Variants in NEGR1 observed in about 807,000 individuals in gnomAD.
NEGR1 encodes the protein IgLON family member 4.
A neutral mutation model predicts 40.9 loss-of-function variants in NEGR1; 10 were observed. The observed-to-expected ratio is 0.24, with a 90% confidence interval of 0.15 to 0.42. NEGR1 has a LOEUF of 0.42. Ranked by LOEUF, NEGR1 falls within the 10% of genes least tolerant of loss-of-function variation. The pLI, the probability that NEGR1 is intolerant of heterozygous loss-of-function variation, is 1.00. For missense variants in NEGR1, 352 were observed against 438.9 expected (o/e 0.80, Z 1.77); for synonymous variants, 185 against 166.8 (o/e 1.11, Z -0.84).
intron 6 of NEGR1, among the ~76,000 whole-genome samples, chr1:71,532,289 A>C (rs1438805857): frequency 2.6e-5 from 4 of 151,584 alleles, no homozygotes; most frequent in Non-Finnish European, 5.9e-5. Flanking sequence ...ACTTAACAGC[A>C]ATGGCCTATC....
At chr1:72,204,907 A>G (rs1306040242) in intron 1 of NEGR1, among the ~76,000 whole-genome samples, 1 of 152,132 alleles carries the variant, frequency 6.6e-6, no homozygotes, top group Admixed American at 6.6e-5. Context: ...GTCATGGCAA[A>G]TCTAAATCAC....
intron 2 of NEGR1, among the ~76,000 whole-genome samples, chr1:71,837,356 A>C (rs1204507813): frequency 6.6e-6 from 1 of 152,132 alleles, no homozygotes; most frequent in Non-Finnish European, 1.5e-5. Context: ...TCAAGTTGGC[A>C]GCTGTTAAGA....
At chr1:72,240,600 A>T (rs1206696500) in intron 1 of NEGR1, among the ~76,000 whole-genome samples, 1 of 151,876 alleles carries the variant, frequency 6.6e-6, no homozygotes, top group Non-Finnish European at 1.5e-5. Flanking sequence ...CAAGAGGTGG[A>T]AGTGGCCCAA....
intron 1 of NEGR1, among the ~76,000 whole-genome samples, chr1:72,280,940 G>C (rs1024315869): frequency 2.0e-5 from 3 of 152,162 alleles, no homozygotes; most frequent in African/African-American, 7.2e-5. Flanking sequence ...GGGGTGGCAG[G>C]GGGAGAAGGG....
intron 1 of NEGR1, among the ~76,000 whole-genome samples, chr1:71,954,313 T>A (rs1488562420): frequency 6.6e-5 from 10 of 151,944 alleles, no homozygotes; most frequent in Admixed American, 6.6e-4. Flanking sequence ...AGGTAAATGA[T>A]AGATGATTTT....
intron 6 of NEGR1, among the ~76,000 whole-genome samples, chr1:71,497,662 G>GA (rs577529871): frequency 6.6e-6 from 1 of 151,634 alleles, no homozygotes; most frequent in Non-Finnish European, 1.5e-5. Flanking sequence ...AAAGAATGAT[G>GA]AAAAAATGCA....
chr1:72,169,559 G>A (rs191341530), intron 1 of NEGR1, among the ~76,000 whole-genome samples: 8 of 152,162 alleles, frequency 5.3e-5, no homozygotes, highest in Admixed American at 5.2e-4. Context: ...TTATGGTTTT[G>A]AATATTATTT....
At chr1:71,839,134 T>A (rs926915196) in intron 2 of NEGR1, among the ~76,000 whole-genome samples, 14 of 139,244 alleles carry the variant, frequency 1.0e-4, no homozygotes, top group African/African-American at 3.5e-4. Context: ...AGGGGTCCCA[T>A]GAAGAATCCT....
At chr1:71,993,427 A>G (rs1219539696) in intron 1 of NEGR1, among the ~76,000 whole-genome samples, 1 of 152,212 alleles carries the variant, frequency 6.6e-6, no homozygotes, top group Non-Finnish European at 1.5e-5. Context: ...CTCTCTATGC[A>G]TAACTAAACT....
intron 1 of NEGR1, among the ~76,000 whole-genome samples, chr1:72,182,268 C>A (rs1411317919): frequency 1.3e-5 from 2 of 152,050 alleles, no homozygotes; most frequent in Non-Finnish European, 2.9e-5. Context: ...CCGAGGCAGG[C>A]GGGTCACTTG....
intron 4 of NEGR1, among the ~76,000 whole-genome samples, chr1:71,651,877 T>C (rs2101582791): frequency 6.6e-6 from 1 of 152,066 alleles, no homozygotes; most frequent in South Asian, 2.1e-4. Flanking sequence ...GTATTACTTT[T>C]GTTTCAACTT....
chr1:72,063,807 A>C (rs1266877964), intron 1 of NEGR1, among the ~76,000 whole-genome samples: 2 of 151,954 alleles, frequency 1.3e-5, no homozygotes, highest in Non-Finnish European at 1.5e-5. Context: ...TGCTGTAACA[A>C]GCTACAAAGC....
At chr1:71,992,308 C>T (rs997143190) in intron 1 of NEGR1, among the ~76,000 whole-genome samples, 2 of 151,922 alleles carry the variant, frequency 1.3e-5, no homozygotes, top group African/African-American at 4.8e-5. Flanking sequence ...AATTTATATA[C>T]ACATTGCTAC....
chr1:71,695,891 T>A (rs1287141526), intron 4 of NEGR1, among the ~76,000 whole-genome samples: 1 of 151,754 alleles, frequency 6.6e-6, no homozygotes, highest in African/African-American at 2.4e-5. Context: ...CATTATATAT[T>A]TTTTTTAAAA....
intron 2 of NEGR1, among the ~76,000 whole-genome samples, chr1:71,830,342 C>CTATTT (rs1215208182): frequency 6.6e-6 from 1 of 151,772 alleles, no homozygotes; most frequent in Non-Finnish European, 1.5e-5. Flanking sequence ...TAAATATTTT[C>CTATTT]AGCTTTGTGA....
At chr1:71,999,635 A>C (rs1161685069) in intron 1 of NEGR1, among the ~76,000 whole-genome samples, 38 of 22,500 alleles carry the variant, frequency 1.7e-3, no homozygotes, top group African/African-American at 5.0e-3. Context: ...CAAAGCAAAT[A>C]TATATATATA....
chr1:71,615,719 A>C (rs1004632343), intron 4 of NEGR1, among the ~76,000 whole-genome samples: 8 of 152,228 alleles, frequency 5.3e-5, no homozygotes, highest in Admixed American at 1.3e-4. Context: ...ATTTTATTCT[A>C]AGCTGATAAG....
intron 4 of NEGR1, among the ~76,000 whole-genome samples, chr1:71,664,043 G>A (rs1349998191): frequency 6.6e-6 from 1 of 152,166 alleles, no homozygotes; most frequent in Non-Finnish European, 1.5e-5. Flanking sequence ...TTAGTTCAAT[G>A]ATGGAAACAT....
rs80150720 is a variant in NEGR1 at position 71,644,070 on chromosome 1, C to T, written c.668-32924G>A. On this transcript the variant is annotated intron_variant, in intron 4 of 6. Coordinates refer to ENST00000357731, the MANE Select transcript of NEGR1 (RefSeq NM_173808.3). Reference sequence around the variant, plus strand: ...CTGGTAATGGACAGGTCCTTGCTGCCCAAAAGAGTTCCACTTTTCTTTGGA... The same window carrying T: ...CTGGTAATGGACAGGTCCTTGCTGCTCAAAAGAGTTCCACTTTTCTTTGGA... Among the ~76,000 whole-genome samples, 303 of 151,944 alleles carry T rather than the reference C, an allele frequency of 2.0e-3. 1 individual carries two copies. In the Middle Eastern group the frequency reaches 0.02, roughly 10 times the overall value.
Sources: allele counts gnomAD v4.1 joint callset (sites outside exome capture counted in the v4.1 genomes callset), GRCh38; gene constraint gnomAD v4.1.1; transcripts MANE v1.5; gene names NCBI Gene and HGNC (gene_info 2026-07-23, HGNC 2026-07-21).